INSR: variants seen among roughly 807,000 people sequenced by gnomAD.
INSR encodes the protein insulin receptor.
INSR carries 67 observed loss-of-function variants against 142.6 expected under a neutral mutation model. That is an observed-to-expected ratio of 0.47 (90% CI 0.39 to 0.58). The LOEUF (loss-of-function observed/expected upper bound fraction) is 0.58, where lower values mean the gene tolerates loss of function less well. INSR is among the 20% of genes least tolerant of loss of function. INSR has a pLI of 0.00. For synonymous variants in INSR, 756 were observed against 743.1 expected (o/e 1.02, Z -0.28); for missense variants, 1,248 against 1,833.2 (o/e 0.68, Z 5.83).
chr19:7,233,506 C>T (rs971033438), intron 2 of INSR, among the ~76,000 whole-genome samples: 1 of 151,954 alleles, frequency 6.6e-6, no homozygotes, highest in African/African-American at 2.4e-5. Flanking sequence ...GCCCTGACCC[C>T]GAGTGCTGGG....
In INSR at chr19:7,162,903, AGT is replaced by A. The variant is rs60452030; in HGVS notation, c.2029+127_2029+128del. 78,160 of 730,186 alleles carry A rather than the reference AGT, an allele frequency of 0.11. 5,224 individuals carry two copies. Among genetic ancestry groups the A allele is most frequent in the South Asian group, 0.25 (16,847 of 67,984 alleles). 45.2% of individuals were successfully genotyped at this position (730,186 alleles called of 1,614,324 possible). ...TGTGTTTTCATATGAGATAGAATGG[AGT>A]GTGTGTGTGTGTGCCTTCCGACACT... is the stretch of plus-strand genomic sequence containing the variant. On this transcript the variant is annotated intron_variant, in intron 9 of 21. Coordinates refer to ENST00000302850, the MANE Select transcript of INSR (RefSeq NM_000208.4).
chr19:7,178,043 G>A (rs144676926), intron 3 of INSR, among the ~76,000 whole-genome samples: 21 of 152,084 alleles, frequency 1.4e-4, no homozygotes, highest in African/African-American at 4.6e-4. Context: ...TTTTTTATTG[G>A]TGGCATCCTT....
chr19:7,287,262 C>T (rs1011826819), intron 1 of INSR, among the ~76,000 whole-genome samples: 1 of 150,506 alleles, frequency 6.6e-6, no homozygotes, highest in Non-Finnish European at 1.5e-5. Flanking sequence ...CAGGTTCAAG[C>T]GATTCTCCTG....
chr19:7,211,773 C>T (rs1180801330), intron 2 of INSR, among the ~76,000 whole-genome samples: 2 of 151,980 alleles, frequency 1.3e-5, no homozygotes, highest in Non-Finnish European at 2.9e-5. Flanking sequence ...CAATCCACAA[C>T]GCTTATCAGG....
At position 7,151,149 on chromosome 19, in the gene INSR, CCTTT is replaced by C. The variant is rs1236384776; in HGVS notation, c.2232-621_2232-618del. On this transcript the variant is annotated intron_variant, in intron 10 of 21. Transcript: ENST00000302850. ...TTCTCTGTCCTTTCTTTCTCTCTTTCCTTTCTTTCTTTCTCTTTCTTTCTTTCTT... is the reference window on the plus strand; with the variant it reads ...TTCTCTGTCCTTTCTTTCTCTCTTTCCTTTCTTTCTCTTTCTTTCTTTCTT... Among the ~76,000 whole-genome samples, 234 of 138,252 alleles carry C rather than the reference CCTTT, an allele frequency of 1.7e-3. 1 individual carries two copies. Among genetic ancestry groups the C allele is most frequent in the African/African-American group, 6.3e-3 (226 of 35,936 alleles). 90.7% of individuals were successfully genotyped at this position (138,252 alleles called of 152,430 possible).
chr19:7,251,172 C>T (rs911889399), intron 2 of INSR, among the ~76,000 whole-genome samples: 12 of 149,746 alleles, frequency 8.0e-5, no homozygotes, highest in African/African-American at 3.0e-4. Context: ...TATCTCCAGA[C>T]ATTGCCAAAT....
At chr19:7,222,419 G>C (rs561893902) in intron 2 of INSR, among the ~76,000 whole-genome samples, 1 of 152,074 alleles carries the variant, frequency 6.6e-6, no homozygotes, top group Non-Finnish European at 1.5e-5. Flanking sequence ...TAAGAGACAG[G>C]GTCTTGCTCT....
intron 16 of INSR, 107 bp downstream of exon 16, chr19:7,126,477 T>G: frequency 9.7e-7 from 1 of 1,026,776 alleles, no homozygotes; most frequent in Admixed American, 2.0e-5. Flanking sequence ...AAGAGGGCTT[T>G]TCTTGGCCTC....
intron 1 of INSR, among the ~76,000 whole-genome samples, chr19:7,276,425 G>A (rs539027975): frequency 6.7e-6 from 1 of 150,120 alleles, no homozygotes; most frequent in East Asian, 2.0e-4. Flanking sequence ...GTATGGGTGT[G>A]AGCCATCAAG....
chr19:7,171,491 A>T (rs140045137), intron 5 of INSR, among the ~76,000 whole-genome samples: 72 of 152,244 alleles, frequency 4.7e-4, no homozygotes, highest in Non-Finnish European at 8.2e-4. Context: ...CTATGAGTCA[A>T]TCTTGATCTA....
At chr19:7,184,200 C>T in intron 3 of INSR, 116 bp downstream of exon 3, 1 of 899,974 alleles carries the variant, frequency 1.1e-6, no homozygotes, top group Non-Finnish European at 1.8e-6. Flanking sequence ...GCAGAGACCT[C>T]ACTCATAGCC....
rs571050653 is a variant in INSR, at chr19:7,235,862, G to A, written c.652+31483C>T. ...AATAACAATAATAATAATAAAGATTGACAATAAATATTAAGTGCTGCTAAG... is the reference window on the plus strand; with the variant it reads ...AATAACAATAATAATAATAAAGATTAACAATAAATATTAAGTGCTGCTAAG... On this transcript the variant is annotated intron_variant, in intron 2 of 21. Coordinates refer to ENST00000302850, the MANE Select transcript of INSR (RefSeq NM_000208.4). Among the ~76,000 whole-genome samples the A allele has an allele frequency of 2.0e-5, 3 of 151,382 alleles. No homozygotes were observed. The South Asian group carries it at 6.3e-4, about 32-fold the overall frequency.
At chr19:7,139,551 CACGTT>C (rs1374976217) in intron 13 of INSR, among the ~76,000 whole-genome samples, 2 of 152,100 alleles carry the variant, frequency 1.3e-5, no homozygotes, top group Non-Finnish European at 2.9e-5. Flanking sequence ...GAGGCATATG[CACGTT>C]TCTGCCAATT....
rs35045353 is a variant in INSR at position 7,142,927 on chromosome 19, C to T, written c.2431G>A (p.Gly811Ser). 23 of 1,613,996 alleles carry T rather than the reference C, an allele frequency of 1.4e-5. No individual in the cohort carries two copies. The African/African-American group carries it at 1.6e-4, about 11-fold the overall frequency. ...CGATAGCCCGTGAAGTGTCGCAAGC[C>T]GGAGATGACCAGCGACTCCTTGTTC... ...VVNKESLVIS[G>S]LRHFTGYRIE... Residue 811 changes from glycine (G) to serine (S), a missense_variant, in exon 12 of 22, where the codon GGC becomes AGC. Gly to Ser is a moderately conservative substitution (Grantham distance 56). Coordinates refer to ENST00000302850, the MANE Select transcript of INSR (RefSeq NM_000208.4).
intron 2 of INSR, among the ~76,000 whole-genome samples, chr19:7,242,035 C>A (rs1014389346): frequency 2.0e-5 from 3 of 151,758 alleles, no homozygotes; most frequent in African/African-American, 7.3e-5. Context: ...ACCTGTAATC[C>A]CAGCTGCTTA....
At chr19:7,171,743 C>G (rs1241327210) in intron 5 of INSR, among the ~76,000 whole-genome samples, 1 of 152,130 alleles carries the variant, frequency 6.6e-6, no homozygotes. Flanking sequence ...GGGCTGCTCC[C>G]ACTTTTGTTT....
At chr19:7,197,908 CCA>C (rs1440974460) in intron 2 of INSR, among the ~76,000 whole-genome samples, 1 of 102,216 alleles carries the variant, frequency 9.8e-6, no homozygotes, top group African/African-American at 4.7e-5. Context: ...TTGGTCGGTT[CCA>C]GAGTGAGAGT....
intron 19 of INSR, 116 bp downstream of exon 19, chr19:7,122,498 G>A (rs1228031436): frequency 1.9e-6 from 2 of 1,044,812 alleles, no homozygotes; most frequent in African/African-American, 1.8e-5. Flanking sequence ...AAAAAAAGAA[G>A]TATCTTGCCC....
At chr19:7,172,776 T>C (rs1405942556) in intron 4 of INSR, among the ~76,000 whole-genome samples, 1 of 151,428 alleles carries the variant, frequency 6.6e-6, no homozygotes, top group Non-Finnish European at 1.5e-5. Flanking sequence ...CTCATGCCTG[T>C]AATACCAGCA....
Sources: gnomAD v4.1 joint callset for allele counts (sites outside exome capture counted in the v4.1 genomes callset) on GRCh38, gnomAD v4.1.1 for gene constraint, MANE v1.5 for transcripts, NCBI Gene and HGNC (gene_info 2026-07-23, HGNC 2026-07-21) for gene names.